The following SLC11A2 variants were observed in gnomAD, a reference collection of about 807,000 sequenced individuals.
SLC11A2 encodes natural resistance-associated macrophage protein 2.
SLC11A2 carries 38 observed loss-of-function variants against 68.0 expected under a neutral mutation model. The observed-to-expected ratio is 0.56, with a 90% CI of 0.43 to 0.73. The LOEUF (loss-of-function observed/expected upper bound fraction) is 0.73, where lower values mean the gene tolerates loss of function less well. SLC11A2 is among the 30% of genes least tolerant of loss of function. The pLI is 0.00. For missense variants in SLC11A2, 517 were observed against 690.5 expected, an observed-to-expected ratio of 0.75 and a Z score of 2.82; for synonymous variants, 242 against 250.6, an observed-to-expected ratio of 0.97 and a Z score of 0.32.
At chr12:50,968,102 AAGGAGG>A in the SLC11A2 span, among the ~76,000 whole-genome samples, 1,332 of 147,350 alleles carry the variant, frequency 9.0e-3, 19 homozygotes, top group African/African-American at 0.032. Flanking sequence ...TAAGAAGAAG[AAGGAGG>A]AGGAGGAGGA....
chr12:50,953,840 T>A, the SLC11A2 span: 1 of 547,768 alleles, frequency 1.8e-6, no homozygotes, highest in East Asian at 2.9e-5. Context: ...TAGTGAAAAG[T>A]GTGAAGGAAA....
At chr12:50,979,299 C>T (rs1277770045), downstream of SLC11A2, 5 of 152,610 alleles carry the variant, frequency 3.3e-5, no homozygotes, top group African/African-American at 4.8e-5. Flanking sequence ...GTGACCTGAA[C>T]GGTACACTTG....
the SLC11A2 span, chr12:50,970,497 C>A: frequency 6.6e-7 from 1 of 1,525,758 alleles, no homozygotes; most frequent in South Asian, 1.2e-5. Flanking sequence ...TCAGTGAGTC[C>A]AAAAAATGAA....
At chr12:51,002,715 G>A (rs1295139169) in intron 5 of SLC11A2, among the ~76,000 whole-genome samples, 2 of 151,218 alleles carry the variant, frequency 1.3e-5, no homozygotes, top group Non-Finnish European at 2.9e-5. Context: ...GCCAAGGCGG[G>A]CAGATCACGA....
At chr12:50,967,009 C>T in the SLC11A2 span, among the ~76,000 whole-genome samples, 3 of 151,766 alleles carry the variant, frequency 2.0e-5, no homozygotes, top group Admixed American at 6.6e-5. Context: ...CCCTGCTACT[C>T]GGGAGGCTGA....
At chr12:51,010,621 T>C in intron 2 of SLC11A2, 74 bp downstream of exon 2, 1 of 856,834 alleles carries the variant, frequency 1.2e-6, no homozygotes, top group Non-Finnish European at 2.0e-6. Context: ...AGAGGAAAAA[T>C]ATGATAAATT....
intron 1 of SLC11A2, among the ~76,000 whole-genome samples, chr12:51,023,347 T>G (rs1470843041): frequency 6.6e-6 from 1 of 152,176 alleles, no homozygotes; most frequent in Non-Finnish European, 1.5e-5. Context: ...CTCAGGAGGC[T>G]CTAGTGGGAG....
chr12:50,982,571 G>A (rs1246532457), downstream of SLC11A2, among the ~76,000 whole-genome samples: 1 of 152,132 alleles, frequency 6.6e-6, no homozygotes, highest in Non-Finnish European at 1.5e-5. Flanking sequence ...AGATTGCAGT[G>A]AGCCGAGATT....
intron 5 of SLC11A2, among the ~76,000 whole-genome samples, chr12:51,003,166 C>A (rs189253078): frequency 1.1e-3 from 167 of 151,966 alleles, no homozygotes; most frequent in African/African-American, 3.9e-3. Context: ...AAACTGAAGG[C>A]GGAGGTTGCA....
At chr12:50,963,241 A>G in the SLC11A2 span, among the ~76,000 whole-genome samples, 1 of 151,728 alleles carries the variant, frequency 6.6e-6, no homozygotes, top group Non-Finnish European at 1.5e-5. Context: ...GTAGTGGTGC[A>G]TGCCTGTAAT....
rs1204120582 is a variant in SLC11A2, at chr12:50,991,585, A to G, written c.1421+14T>C. 2.5e-6 allele frequency: 4 copies of G among 1,609,134 alleles called. No homozygotes were observed. The African/African-American group carries it at 4.0e-5, about 16-fold the overall frequency. ...ATCAGCATCCCCTTTGGGAACGAAG[A>G]GGAGTACACTCACAGTCCATTGGCA... On this transcript the variant is annotated intron_variant, in intron 14 of 15. Coordinates refer to ENST00000262052, the MANE Select transcript of SLC11A2 (RefSeq NM_000617.3).
downstream of SLC11A2, chr12:50,981,695 C>G (rs1254334483): frequency 1.4e-6 from 2 of 1,444,296 alleles, no homozygotes; most frequent in Admixed American, 3.9e-5. Context: ...CTTAGAAAAA[C>G]ATGTTCTTAT....
At chr12:50,991,400 C>T in intron 14 of SLC11A2, 199 bp downstream of exon 14, 1 of 605,766 alleles carries the variant, frequency 1.7e-6, no homozygotes, top group Non-Finnish European at 3.0e-6. Flanking sequence ...CTTTCTCTCC[C>T]CTTCATATGA....
the SLC11A2 span, chr12:50,953,829 G>T: frequency 1.9e-6 from 1 of 527,218 alleles, no homozygotes. Context: ...AAAAAATTCG[G>T]TAGTGAAAAG....
At chr12:50,985,195 T>C (rs1940426998), downstream of SLC11A2, among the ~76,000 whole-genome samples, 1 of 152,170 alleles carries the variant, frequency 6.6e-6, no homozygotes, top group Non-Finnish European at 1.5e-5. Flanking sequence ...TCATTGGTCC[T>C]ACCAATGAAG....
chr12:51,004,778 C>T lies in SLC11A2; in HGVS notation c.429+10G>A, dbSNP rs761714535. ...TGGGTGAGAGACAAACAGGACAATA[C>T]ATTGCTCACCTTGGGATACTGACGG... On this transcript the variant is annotated intron_variant, in intron 5 of 15. Coordinates refer to ENST00000262052, the MANE Select transcript of SLC11A2 (RefSeq NM_000617.3). 3.4e-5 allele frequency: 55 copies of T among 1,613,552 alleles called. No individual in the cohort carries two copies. Among genetic ancestry groups the T allele is most frequent in the Non-Finnish European group, 4.4e-5 (52 of 1,179,706 alleles).
the SLC11A2 span, among the ~76,000 whole-genome samples, chr12:50,958,563 G>A: frequency 3.1e-4 from 47 of 151,876 alleles, no homozygotes; most frequent in Non-Finnish European, 5.4e-4. Flanking sequence ...TTACAGGCGT[G>A]AGCCACCGCG....
the SLC11A2 span, chr12:50,954,016 G>C: frequency 6.2e-7 from 1 of 1,611,482 alleles, no homozygotes; most frequent in Non-Finnish European, 8.5e-7. Context: ...CAGATAACCA[G>C]TGGTCAGCAG....
At position 50,986,555 on chromosome 12, in the gene SLC11A2, T is replaced by C. The variant is rs1940576429; in HGVS notation, c.*1770A>G. On this transcript the variant is annotated 3_prime_UTR_variant, in exon 16 of 16. Transcript: ENST00000262052. The stretch of plus-strand genomic sequence containing the variant: ...CCCAGGGCAAAGATACATGTTACCA[T>C]ATCATCTTTATAAAGAATTTTTTTT... 3.1e-6 allele frequency: 4 copies of C among 1,287,074 alleles called. No homozygotes were observed. Among genetic ancestry groups the C allele is most frequent in the Non-Finnish European group, 4.0e-6 (4 of 988,664 alleles). 79.7% of individuals were successfully genotyped at this position (1,287,074 alleles called of 1,614,324 possible).
Sources: allele counts gnomAD v4.1 joint callset (sites outside exome capture counted in the v4.1 genomes callset), GRCh38; gene constraint gnomAD v4.1.1; transcripts MANE v1.5; gene names NCBI Gene and HGNC (gene_info 2026-07-23, HGNC 2026-07-21).